Variants in GINS4 observed in about 807,000 individuals in gnomAD.
GINS4 encodes the protein GINS complex subunit 4.
In GINS4, 20 loss-of-function variants were observed where a neutral mutation model predicts 31.1. The ratio of observed to expected loss-of-function variants is 0.64; its 90% confidence interval spans 0.45 to 0.93. GINS4 has a LOEUF of 0.93. GINS4 is among the 40% of genes least tolerant of loss of function. The probability of loss-of-function intolerance (pLI) is 0.00; values close to 1 mark genes in which losing one functional copy is unlikely to be tolerated. For synonymous variants in GINS4, 85 were observed against 97.9 expected, an observed-to-expected ratio of 0.87 and a Z score of 0.78; for missense variants, 245 against 273.9, an observed-to-expected ratio of 0.89 and a Z score of 0.75.
chr8:41,530,117 T>G (rs1334203010), intron 1 of GINS4, 67 bp from the exon 2 acceptor site: 5 of 1,021,790 alleles, frequency 4.9e-6, no homozygotes, highest in Non-Finnish European at 7.5e-6. Context: ...TTTCTCCAGA[T>G]AGATGTCTGT....
chr8:41,538,792 C>A (rs1413739319), intron 4 of GINS4, among the ~76,000 whole-genome samples: 1 of 151,988 alleles, frequency 6.6e-6, no homozygotes, highest in East Asian at 2.0e-4. Context: ...GCAACCTTCG[C>A]CCCCCAGGTT....
At chr8:41,533,747 G>A (rs1806690500) in intron 2 of GINS4, among the ~76,000 whole-genome samples, 1 of 152,212 alleles carries the variant, frequency 6.6e-6, no homozygotes, top group Admixed American at 6.5e-5. Flanking sequence ...ACAGAGCGAA[G>A]TCCCAAAGAC....
intron 2 of GINS4, among the ~76,000 whole-genome samples, chr8:41,535,584 C>A (rs900453187): frequency 2.0e-5 from 3 of 151,934 alleles, no homozygotes; most frequent in Non-Finnish European, 2.9e-5. Context: ...CACTCAAGGA[C>A]GTCAGAAAAA....
Position 41,542,158 on chromosome 8 carries a change from C to T in GINS4, c.*71C>T, listed in dbSNP as rs1806854057. Reference sequence around the variant, plus strand: ...CAGCACTTTGGGAGGCCGAGGCGGGCGGATCATGAGGTCAGGAGTTCGAGA... The same window carrying T: ...CAGCACTTTGGGAGGCCGAGGCGGGTGGATCATGAGGTCAGGAGTTCGAGA... On this transcript the variant is annotated 3_prime_UTR_variant, in exon 8 of 8. Transcript: ENST00000276533. 2.6e-6 allele frequency: 3 copies of T among 1,169,864 alleles called. No individual in the cohort carries two copies. The highest frequency in any genetic ancestry group is 2.3e-5 in the East Asian group (1 of 42,782). 72.5% of individuals were successfully genotyped at this position (1,169,864 alleles called of 1,614,324 possible). A position where few individuals can be genotyped will look rare whatever the true frequency, so the allele number is the denominator to read the frequency against.
rs1252857607 is a variant in GINS4 at position 41,544,281 on chromosome 8, C to G, written c.*2194C>G. On this transcript the variant is annotated 3_prime_UTR_variant, in exon 8 of 8. Transcript: ENST00000276533. ...TGAGGCAGGCTGGACCCAGATCTTA[C>G]AGGACCTTGTTAATAAGGATCCCAT... 6.6e-6 allele frequency: 1 copy of G among 152,204 alleles called. No homozygotes were observed. The highest frequency in any genetic ancestry group is 1.5e-5 in the Non-Finnish European group (1 of 68,040). The allele number at this position is 152,204 out of a possible 1,614,324, so 9.4% of individuals were successfully genotyped here. A position where few individuals can be genotyped will look rare whatever the true frequency, so the allele number is the denominator to read the frequency against.
chr8:41,530,407 G>C (rs1158770794), intron 2 of GINS4, 109 bp downstream of exon 2: 3 of 722,030 alleles, frequency 4.2e-6, no homozygotes, highest in African/African-American at 3.6e-5. Flanking sequence ...GCTTACTTTA[G>C]AACAGGGACT....
chr8:41,538,410 C>T (rs60294900), intron 4 of GINS4, among the ~76,000 whole-genome samples: 33,557 of 151,848 alleles, frequency 0.22, 4,187 homozygotes, highest in African/African-American at 0.34. Context: ...AACCACATCA[C>T]ATTAGCATAT....
chr8:41,533,816 G>A (rs1281459224), intron 2 of GINS4, among the ~76,000 whole-genome samples: 1 of 152,174 alleles, frequency 6.6e-6, no homozygotes, highest in African/African-American at 2.4e-5. Flanking sequence ...CAAAGTGCCA[G>A]CATAGTTGTC....
At chr8:41,539,330 A>G (rs577971099) in intron 4 of GINS4, among the ~76,000 whole-genome samples, 82 of 143,318 alleles carry the variant, frequency 5.7e-4, no homozygotes, top group African/African-American at 1.9e-3. Context: ...AAAAAAAAAA[A>G]AAAAAAAAAA....
intron 6 of GINS4, 72 bp downstream of exon 6, chr8:41,540,076 T>C (rs962723389): frequency 9.4e-7 from 1 of 1,062,106 alleles, no homozygotes; most frequent in Non-Finnish European, 1.5e-6. Context: ...CTCTCTTCAC[T>C]GTTTTTACCC....
At position 41,543,477 on chromosome 8, in the gene GINS4, A is replaced by C. The variant is rs11780755; in HGVS notation, c.*1390A>C. The C allele has an allele frequency of 0.21, 31,723 of 152,182 alleles. 3,391 individuals carry two copies. The highest frequency in any genetic ancestry group is 0.29 in the Middle Eastern group (84 of 294). 9.4% of individuals were successfully genotyped at this position (152,182 alleles called of 1,614,324 possible). ...TCACTTTTTCAAGAGGAATGGATGA[A>C]ATTAATGTGCATGCAGAGTCTCACA... On this transcript the variant is annotated 3_prime_UTR_variant, in exon 8 of 8. Transcript: ENST00000276533.
rs1019580432 is a variant in GINS4 at position 41,542,782 on chromosome 8, G to C, written c.*695G>C. On this transcript the variant is annotated 3_prime_UTR_variant, in exon 8 of 8. Transcript: ENST00000276533. Reference sequence around the variant, plus strand: ...TAGGCATCAGACATTCCTCAGCAGTGCTGTGGGTCACGGGCGTGAAGCGGA... The same window carrying C: ...TAGGCATCAGACATTCCTCAGCAGTCCTGTGGGTCACGGGCGTGAAGCGGA... 1 of 152,684 alleles carries C rather than the reference G, an allele frequency of 6.5e-6. No homozygotes were observed. Among genetic ancestry groups the C allele is most frequent in the African/African-American group, 2.4e-5 (1 of 41,480 alleles). 9.5% of individuals were successfully genotyped at this position (152,684 alleles called of 1,614,324 possible).
chr8:41,544,502 C>T lies in GINS4; in HGVS notation c.*2415C>T, dbSNP rs865859979. On this transcript the variant is annotated 3_prime_UTR_variant, in exon 8 of 8. Coordinates refer to ENST00000276533, the MANE Select transcript of GINS4 (RefSeq NM_032336.3). ...ATGTGCATACCCATCGCCTGGAGCT[C>T]GCCTTAAGATGTAGGTTCTGCCTGA... 1.3e-5 allele frequency: 2 copies of T among 152,104 alleles called. No individual in the cohort carries two copies. Among genetic ancestry groups the T allele is most frequent in the African/African-American group, 2.4e-5 (1 of 41,406 alleles). 9.4% of individuals were successfully genotyped at this position (152,104 alleles called of 1,614,324 possible).
At chr8:41,540,075 C>T (rs1411647353) in intron 6 of GINS4, 71 bp downstream of exon 6, 4 of 1,059,390 alleles carry the variant, frequency 3.8e-6, no homozygotes, top group Middle Eastern at 2.2e-4. Flanking sequence ...CCTCTCTTCA[C>T]TGTTTTTACC....
Position 41,539,898 on chromosome 8 carries a change from T to C in GINS4, c.396-18T>C, listed in dbSNP as rs778442984. ...ATCAGCTGTGTACACCACAGCGATT[T>C]GAATCCATGTCTTTCAGGTTCATGG... On this transcript the variant is annotated intron_variant, in intron 5 of 7. Coordinates refer to ENST00000276533, the MANE Select transcript of GINS4 (RefSeq NM_032336.3). 6.2e-7 allele frequency: 1 copy of C among 1,612,100 alleles called. No individual in the cohort carries two copies. Among genetic ancestry groups the C allele is most frequent in the Non-Finnish European group, 8.5e-7 (1 of 1,178,164 alleles).
intron 4 of GINS4, chr8:41,538,038 A>G (rs1806773175): frequency 6.6e-6 from 1 of 151,672 alleles, no homozygotes; most frequent in African/African-American, 2.4e-5. Flanking sequence ...AAAAAAAAAG[A>G]AATTGCAAAA....
chr8:41,536,441 C>T lies in GINS4; in HGVS notation c.178C>T (p.His60Tyr). ...AGAATGTGTCATGGAACAGCTGGAGCACATGGTAAGAGTCGCTTGTCTTGG... is the reference window on the plus strand; with the variant it reads ...AGAATGTGTCATGGAACAGCTGGAGTACATGGTAAGAGTCGCTTGTCTTGG... ...IVECVMEQLE[H>Y]MEENLRRAKR... Residue 60 changes from histidine (H) to tyrosine (Y), a missense_variant, in exon 3 of 8, where the codon CAC becomes TAC. His to Tyr is a moderately conservative substitution (Grantham distance 83, BLOSUM62 2). Coordinates refer to ENST00000276533, the MANE Select transcript of GINS4 (RefSeq NM_032336.3). 1 of 1,597,718 alleles carries T rather than the reference C, an allele frequency of 6.3e-7. No individual in the cohort carries two copies. The highest frequency in any genetic ancestry group is 8.6e-7 in the Non-Finnish European group (1 of 1,165,120).
intron 2 of GINS4, chr8:41,534,241 T>TA (rs747933348): frequency 3.5e-5 from 15 of 424,502 alleles, no homozygotes; most frequent in African/African-American, 6.2e-5. Context: ...CCATCTTTAT[T>TA]AAAAAAAATT....
chr8:41,540,749 G>C (rs560733823), intron 6 of GINS4, among the ~76,000 whole-genome samples: 1 of 152,336 alleles, frequency 6.6e-6, no homozygotes, highest in East Asian at 1.9e-4. Flanking sequence ...ACGAGCTCCA[G>C]TACACCCGAG....
Sources: allele counts gnomAD v4.1 joint callset (sites outside exome capture counted in the v4.1 genomes callset), GRCh38; gene constraint gnomAD v4.1.1; transcripts MANE v1.5; gene names NCBI Gene and HGNC (gene_info 2026-07-23, HGNC 2026-07-21).